Variants in ZP4 observed in about 807,000 individuals in gnomAD.
The protein encoded by ZP4 is zona pellucida glycoprotein 4.
A neutral mutation model predicts 62.3 loss-of-function variants in ZP4; 62 were observed. That is an observed-to-expected ratio of 0.99 (90% CI 0.81 to 1.23). The LOEUF is 1.23. Among genes scored for constraint, ZP4 ranks in the 50% most tolerant of loss-of-function variants. The pLI, the probability that ZP4 is intolerant of heterozygous loss-of-function variation, is 0.00. For missense variants in ZP4, 774 were observed against 656.0 expected, an observed-to-expected ratio of 1.18 and a Z score of -1.97; for synonymous variants, 289 against 247.3, an observed-to-expected ratio of 1.17 and a Z score of -1.58.
intron 10 of ZP4, 39 bp from the exon 11 acceptor site, chr1:237,882,885 GCA>G (rs1388167032): frequency 1.3e-6 from 2 of 1,558,828 alleles, no homozygotes; most frequent in East Asian, 4.5e-5. Flanking sequence ...ATTAGTTTTT[GCA>G]CACATAGGGC....
At position 237,885,221 on chromosome 1, in the gene ZP4, T is replaced by A. The variant is rs760923145; in HGVS notation, c.1255A>T (p.Ile419Phe). Residue 419 changes from isoleucine to phenylalanine, a missense_variant, in exon 9 of 12, where the codon ATC becomes TTC. Ile to Phe is a conservative substitution (Grantham distance 21). Coordinates refer to ENST00000366570, the MANE Select transcript of ZP4 (RefSeq NM_021186.5). ...PFPSHHQRFS[I>F]FTFSFVNPTV... ...GGGTTCACAAAGCTGAAGGTGAAGA[T>A]GCTGAAGCGCTGGTGGTGAGAGGGA... 90 of 1,614,056 alleles carry A rather than the reference T, an allele frequency of 5.6e-5. 1 individual carries two copies. The East Asian group carries it at 1.9e-3, about 35-fold the overall frequency.
At position 237,882,487 on chromosome 1, in the gene ZP4, C is replaced by A. The variant is rs1163643516; in HGVS notation, c.1558G>T (p.Ala520Ser). 2.5e-6 allele frequency: 4 copies of A among 1,609,928 alleles called. No individual in the cohort carries two copies. Among genetic ancestry groups the A allele is most frequent in the Non-Finnish European group, 3.4e-6 (4 of 1,179,098 alleles). The change falls in exon 12 of 12, where the codon GCC becomes TCC. Residue 520 changes from alanine (A) to serine (S), a missense_variant. Ala to Ser is a moderately conservative substitution (Grantham distance 99, BLOSUM62 1). Coordinates refer to ENST00000366570, the MANE Select transcript of ZP4 (RefSeq NM_021186.5). The stretch of plus-strand genomic sequence containing the variant: ...ACAGCCAAGTAGGATACTAACAAGG[C>A]TCCAAGGATTAAGGTCCCAGAAAGG... ...AGLSGTLILG[A>S]LLVSYLAVKK... is the part of the protein sequence containing the mutation.
rs750834345 is a variant in ZP4, at chr1:237,887,419, A to G, written c.696T>C (p.Phe232=). ...AAGTAAATGGAAACTGGAACAGAAC[A>G]AAAGCTTGTGTTGCCATCACAGGGT... ...ACNPVMATQA[F]VLFQFPFTSC... Residue 232 remains phenylalanine, a synonymous_variant, in exon 5 of 12, where the codon TTT becomes TTC. Coordinates refer to ENST00000366570, the MANE Select transcript of ZP4 (RefSeq NM_021186.5). The G allele has an allele frequency of 6.2e-7, 1 of 1,614,128 alleles. No homozygotes were observed. The highest frequency in any genetic ancestry group is 8.5e-7 in the Non-Finnish European group (1 of 1,180,038).
chr1:237,889,874 A>T lies in ZP4; in HGVS notation c.393T>A (p.Asp131Glu). Reference sequence around the variant, plus strand: ...AGAGCTTCCAGCCTTTACCTAGAAGATCCATAGGACACTTGAGCAGCTTCC... The same window carrying T: ...AGAGCTTCCAGCCTTTACCTAGAAGTTCCATAGGACACTTGAGCAGCTTCC... ...TERKLLKCPM[D>E]LLARDAPDTD... is the part of the protein sequence containing the mutation. The change falls in exon 3 of 12, where the codon GAT (aspartate) becomes GAA (glutamate). Residue 131 changes from aspartate to glutamate, a missense_variant. By Grantham distance (45) the Asp-to-Glu change is conservative (BLOSUM62 2). Coordinates refer to ENST00000366570, the MANE Select transcript of ZP4 (RefSeq NM_021186.5). The T allele has an allele frequency of 6.2e-7, 1 of 1,613,602 alleles. No individual in the cohort carries two copies. The highest frequency in any genetic ancestry group is 8.5e-7 in the Non-Finnish European group (1 of 1,179,910).
rs573797262 is a variant in ZP4, at chr1:237,882,990, C to T, written c.1391-144G>A. ...ACCTCATTAAGTATATTAATATGTA[C>T]TTGAACAAGTGAGATTTTATATCTG... On this transcript the variant is annotated intron_variant, in intron 10 of 11. Coordinates refer to ENST00000366570, the MANE Select transcript of ZP4 (RefSeq NM_021186.5). The T allele has an allele frequency of 1.9e-3, 1,088 of 570,842 alleles. 8 individuals are homozygous for T. Among genetic ancestry groups the T allele is most frequent in the Non-Finnish European group, 2.7e-4 (90 of 331,566 alleles). The allele number at this position is 570,842 out of a possible 1,614,324, so 35.4% of individuals were successfully genotyped here. A position where few individuals can be genotyped will look rare whatever the true frequency, so the allele number is the denominator to read the frequency against.
In ZP4 at chr1:237,883,764, AGAGAGAGGAAG is replaced by A. The variant is rs1435153411; in HGVS notation, c.1391-929_1391-919del. On this transcript the variant is annotated intron_variant, in intron 10 of 11. Coordinates refer to ENST00000366570, the MANE Select transcript of ZP4 (RefSeq NM_021186.5). ...GAGGGAGAGAGAGGGAGAGAGAGGG[AGAGAGAGGAAG>A]AGAGAGGAAGAGAGAGGAAGAGAGA... Among the ~76,000 whole-genome samples, 49 of 86,826 alleles carry A rather than the reference AGAGAGAGGAAG, an allele frequency of 5.6e-4. 1 individual carries two copies. The highest frequency in any genetic ancestry group is 1.3e-3 in the Non-Finnish European group (47 of 35,958). The allele number at this position is 86,826 out of a possible 152,430, so 57.0% of individuals were successfully genotyped here.
chr1:237,885,095 G>A, intron 9 of ZP4, 70 bp downstream of exon 9: 1 of 1,569,462 alleles, frequency 6.4e-7, no homozygotes. Context: ...CAGAGTAGTA[G>A]GACATGGAAA....
At chr1:237,883,840 T>G (rs1665002251) in intron 10 of ZP4, among the ~76,000 whole-genome samples, 1 of 135,940 alleles carries the variant, frequency 7.4e-6, no homozygotes, top group Non-Finnish European at 1.6e-5. Flanking sequence ...AGAATACGCC[T>G]GTAGTTTTAG....
intron 10 of ZP4, among the ~76,000 whole-genome samples, chr1:237,884,043 A>ACAC (rs1558531257): frequency 5.7e-5 from 6 of 104,822 alleles, no homozygotes; most frequent in African/African-American, 3.3e-4. Flanking sequence ...AACACACACA[A>ACAC]ACACACACAA....
At chr1:237,885,108 G>A in intron 9 of ZP4, 57 bp downstream of exon 9, 31 of 1,586,558 alleles carry the variant, frequency 2.0e-5, no homozygotes, top group Non-Finnish European at 2.6e-5. Context: ...CATGGAAACA[G>A]TTGTAAGTTG....
intron 3 of ZP4, among the ~76,000 whole-genome samples, chr1:237,889,322 T>A (rs983749471): frequency 2.2e-4 from 33 of 151,374 alleles, no homozygotes; most frequent in African/African-American, 7.8e-4. Flanking sequence ...TGTATTTTTT[T>A]TTTTTTTTTT....
At chr1:237,883,948 A>G (rs1016389662) in intron 10 of ZP4, among the ~76,000 whole-genome samples, 4 of 149,914 alleles carry the variant, frequency 2.7e-5, no homozygotes, top group East Asian at 2.0e-4. Context: ...TGACAGAGCA[A>G]GAACTGGTCA....
intron 4 of ZP4, 33 bp from the exon 5 acceptor site, chr1:237,887,594 A>G: frequency 6.3e-7 from 1 of 1,599,020 alleles, no homozygotes; most frequent in Non-Finnish European, 8.5e-7. Flanking sequence ...AAGGCAGGTC[A>G]TCTCTCCCAT....
rs1665213776 is a variant in ZP4, at chr1:237,890,456, C to T, written c.175+5G>A. The T allele has an allele frequency of 1.2e-6, 2 of 1,605,264 alleles. No individual in the cohort carries two copies. The highest frequency in any genetic ancestry group is 8.5e-7 in the Non-Finnish European group (1 of 1,176,406). The stretch of plus-strand genomic sequence containing the variant: ...TGGCTAAGCAAGGCAAGTCATCAAA[C>T]TTACCCCAAGCTATTAGTACAGGAG... On this transcript the variant is annotated splice_donor_5th_base_variant and intron_variant, in intron 1 of 11. Transcript: ENST00000366570.
chr1:237,886,970 A>T (rs191556511), intron 5 of ZP4, 102 bp from the exon 6 acceptor site: 3 of 979,228 alleles, frequency 3.1e-6, no homozygotes, highest in Non-Finnish European at 4.7e-6. Context: ...GTTGTATGGT[A>T]TATTTCCTAT....
At position 237,890,922 on chromosome 1, in the gene ZP4, T is replaced by G. The variant is rs1665228272; in HGVS notation, c.-287A>C. 20 of 286,554 alleles carry G rather than the reference T, an allele frequency of 7.0e-5. No homozygotes were observed. Among genetic ancestry groups the G allele is most frequent in the Non-Finnish European group, 7.8e-5 (12 of 153,374 alleles). The allele number at this position is 286,554 out of a possible 1,614,324, so 17.8% of individuals were successfully genotyped here. On this transcript the variant is annotated 5_prime_UTR_variant, in exon 1 of 12. Coordinates refer to ENST00000366570, the MANE Select transcript of ZP4 (RefSeq NM_021186.5). ...CTAACAGAAAGGAAGGAAAGAAAGC[T>G]TCCTCAGGGTTGCTCAACATAGCAT...
chr1:237,885,089 G>A (rs915705523), intron 9 of ZP4, 76 bp downstream of exon 9: 2 of 1,561,906 alleles, frequency 1.3e-6, no homozygotes, highest in South Asian at 1.2e-5. Flanking sequence ...TGGCTGCAGA[G>A]TAGTAGGACA....
Position 237,885,536 on chromosome 1 carries a change from C to T in ZP4, c.1015G>A (p.Val339Met), listed in dbSNP as rs1471629925. 6.2e-7 allele frequency: 1 copy of T among 1,614,000 alleles called. No homozygotes were observed. The highest frequency in any genetic ancestry group is 2.2e-5 in the East Asian group (1 of 44,884). Residue 339 changes from valine (V) to methionine (M), a missense_variant, in exon 8 of 12, where the codon GTG becomes ATG. Coordinates refer to ENST00000366570, the MANE Select transcript of ZP4 (RefSeq NM_021186.5). ...TAAATGGGATCCCGAAGCAACTTCA[C>T]CACTGGGTAGTCACCAACACCGTAG... ...SYYGVGDYPV[V>M]KLLRDPIYVE...
chr1:237,884,037 C>CACACAA lies in ZP4; in HGVS notation c.1390+726_1390+731dup, dbSNP rs1206690513. Among the ~76,000 whole-genome samples, 4 of 119,112 alleles carry CACACAA rather than the reference C, an allele frequency of 3.4e-5. 1 individual carries two copies. Among genetic ancestry groups the CACACAA allele is most frequent in the African/African-American group, 1.8e-4 (4 of 22,476 alleles). 78.1% of individuals were successfully genotyped at this position (119,112 alleles called of 152,430 possible). On this transcript the variant is annotated intron_variant, in intron 10 of 11. Transcript: ENST00000366570. Reference sequence around the variant, plus strand: ...ACACAAACACACACACACACAAACACACACAAACACACACAAACACACACA... The same window carrying CACACAA: ...ACACAAACACACACACACACAAACACACACAAACACAAACACACACAAACACACACA...
Sources: allele counts gnomAD v4.1 joint callset (sites outside exome capture counted in the v4.1 genomes callset), GRCh38; gene constraint gnomAD v4.1.1; transcripts MANE v1.5; gene names NCBI Gene and HGNC (gene_info 2026-07-23, HGNC 2026-07-21).